Variants in PTPRD observed in about 807,000 individuals in gnomAD.
PTPRD encodes protein tyrosine phosphatase receptor type D.
Under a neutral mutation model 214.5 loss-of-function variants are expected in PTPRD, and 34 were observed. The ratio of observed to expected loss-of-function variants is 0.16; its 90% CI spans 0.12 to 0.21. The LOEUF (loss-of-function observed/expected upper bound fraction) is 0.21. PTPRD is among the 10% of genes least tolerant of loss of function. PTPRD has a pLI of 1.00. For synonymous variants in PTPRD, 1,128 were observed against 845.7 expected (o/e 1.33, Z -5.79); for missense variants, 2,545 against 2,398.7 (o/e 1.06, Z -1.27).
intron 3 of PTPRD, among the ~76,000 whole-genome samples, chr9:10,232,401 TC>T (rs1390280883): frequency 1.3e-5 from 2 of 151,950 alleles, no homozygotes; most frequent in African/African-American, 2.4e-5. Flanking sequence ...TCTGGATGTT[TC>T]CCACTTCCCT....
intron 35 of PTPRD, among the ~76,000 whole-genome samples, chr9:8,423,364 T>G (rs1454306770): frequency 1.3e-5 from 2 of 152,202 alleles, no homozygotes; most frequent in Non-Finnish European, 2.9e-5. Flanking sequence ...GGCAGTGGTT[T>G]TGTATCCTCC....
intron 9 of PTPRD, among the ~76,000 whole-genome samples, chr9:9,363,894 G>A (rs1227107711): frequency 6.6e-6 from 1 of 151,280 alleles, no homozygotes; most frequent in African/African-American, 2.4e-5. Flanking sequence ...ATAGTTTTAA[G>A]CATTTTTCCA....
chr9:8,381,964 G>T (rs1019574221), intron 37 of PTPRD, among the ~76,000 whole-genome samples: 1 of 152,066 alleles, frequency 6.6e-6, no homozygotes, highest in African/African-American at 2.4e-5. Context: ...CTTCCCACAT[G>T]AGGTGGGTCC....
Position 9,153,624 on chromosome 9 carries a change from T to C in PTPRD, c.-143+29680A>G, listed in dbSNP as rs188116724. ...GTGATATTAACTATACATTTAAAGA[T>C]GTGTATTTTGTTAACTTTAGCTAAA... On this transcript the variant is annotated intron_variant, in intron 10 of 45. Transcript: ENST00000381196. Among the ~76,000 whole-genome samples the C allele has an allele frequency of 9.8e-4, 150 of 152,358 alleles. 1 individual carries two copies. Among genetic ancestry groups the C allele is most frequent in the Admixed American group, 1.6e-3 (25 of 15,292 alleles).
At chr9:9,086,209 C>T (rs1326298997) in intron 10 of PTPRD, among the ~76,000 whole-genome samples, 1 of 152,126 alleles carries the variant, frequency 6.6e-6, no homozygotes, top group East Asian at 1.9e-4. Context: ...TATTCTAAAT[C>T]TATGGGTATA....
At chr9:9,846,994 G>T (rs2059660188) in intron 5 of PTPRD, among the ~76,000 whole-genome samples, 1 of 151,934 alleles carries the variant, frequency 6.6e-6, no homozygotes, top group Non-Finnish European at 1.5e-5. Flanking sequence ...ATTTTTTTGA[G>T]TATGCCAGAA....
intron 12 of PTPRD, among the ~76,000 whole-genome samples, chr9:8,693,062 G>T (rs1323565110): frequency 6.6e-6 from 1 of 152,186 alleles, no homozygotes; most frequent in East Asian, 1.9e-4. Flanking sequence ...AATTGTAAAT[G>T]GTAACTCTAT....
At chr9:10,061,996 G>A (rs2097784910) in intron 3 of PTPRD, among the ~76,000 whole-genome samples, 1 of 151,686 alleles carries the variant, frequency 6.6e-6, no homozygotes, top group Non-Finnish European at 1.5e-5. Flanking sequence ...AGCCCTCCAG[G>A]GGATTATAAC....
rs563212592 is a variant in PTPRD, at chr9:8,420,756, T to C, written c.4086+15836A>G. ...TAGCTTTGGGGAAAGACAGCTCCCT[T>C]TGCCCTCAGAGTTAGCTTTGAGACA... On this transcript the variant is annotated intron_variant, in intron 35 of 45. Transcript: ENST00000381196. Among the ~76,000 whole-genome samples, 11 of 152,170 alleles carry C rather than the reference T, an allele frequency of 7.2e-5. No individual in the cohort carries two copies. The South Asian group carries it at 2.3e-3, about 32-fold the overall frequency.
At chr9:8,976,806 T>C (rs139183765) in intron 11 of PTPRD, among the ~76,000 whole-genome samples, 1 of 152,108 alleles carries the variant, frequency 6.6e-6, no homozygotes, top group Non-Finnish European at 1.5e-5. Flanking sequence ...GTGGATATTG[T>C]TGATTTTTTG....
At position 9,238,763 on chromosome 9, in the gene PTPRD, A is replaced by T. The variant is rs571456667; in HGVS notation, c.-202-55400T>A. ...CCTAAGCTTGTGGCATTTTACTCTT[A>T]TGCTTTTATCTTCATTTTGAGAGAC... On this transcript the variant is annotated intron_variant, in intron 9 of 45. Coordinates refer to ENST00000381196, the MANE Select transcript of PTPRD (RefSeq NM_002839.4). Among the ~76,000 whole-genome samples, 51 of 152,296 alleles carry T rather than the reference A, an allele frequency of 3.3e-4. 1 individual carries two copies. In the South Asian group the frequency reaches 0.011, roughly 32 times the overall value.
chr9:9,129,530 C>A (rs1374569381), intron 10 of PTPRD, among the ~76,000 whole-genome samples: 1 of 152,092 alleles, frequency 6.6e-6, no homozygotes, highest in Non-Finnish European at 1.5e-5. Flanking sequence ...AGTCTTGGTC[C>A]TTTTAGCTTC....
chr9:9,602,826 A>T (rs189642222), intron 7 of PTPRD, among the ~76,000 whole-genome samples: 1 of 152,222 alleles, frequency 6.6e-6, no homozygotes, highest in East Asian at 1.9e-4. Flanking sequence ...GCCAGTCATA[A>T]CTGGTTTATT....
intron 7 of PTPRD, among the ~76,000 whole-genome samples, chr9:9,693,189 C>G (rs1450526892): frequency 6.6e-6 from 1 of 151,090 alleles, no homozygotes; most frequent in Non-Finnish European, 1.5e-5. Flanking sequence ...GCATCCTTGT[C>G]TTGTTCCAGA....
At chr9:9,706,675 G>T (rs945887436) in intron 7 of PTPRD, among the ~76,000 whole-genome samples, 1 of 151,932 alleles carries the variant, frequency 6.6e-6, no homozygotes, top group Non-Finnish European at 1.5e-5. Flanking sequence ...CTTGACCTCA[G>T]GTGATCCGTC....
intron 9 of PTPRD, among the ~76,000 whole-genome samples, chr9:9,230,953 G>A (rs1293875789): frequency 2.6e-5 from 4 of 152,018 alleles, no homozygotes; most frequent in Admixed American, 6.6e-5. Context: ...AGTCCAGAAC[G>A]TGAATACTTC....
At chr9:10,438,063 A>C (rs539372571) in intron 2 of PTPRD, among the ~76,000 whole-genome samples, 1 of 144,226 alleles carries the variant, frequency 6.9e-6, no homozygotes, top group African/African-American at 2.8e-5. Context: ...ATAAAAGACA[A>C]ACTCATGGTT....
At chr9:9,952,778 A>C (rs2093572904) in intron 4 of PTPRD, among the ~76,000 whole-genome samples, 1 of 152,314 alleles carries the variant, frequency 6.6e-6, no homozygotes, top group Non-Finnish European at 1.5e-5. Context: ...TAATACTGTC[A>C]TGAACCTCCA....
chr9:10,208,086 G>C (rs1228993885), intron 3 of PTPRD, among the ~76,000 whole-genome samples: 2 of 152,166 alleles, frequency 1.3e-5, no homozygotes, highest in Non-Finnish European at 2.9e-5. Context: ...CAAGTTTCTG[G>C]TTCCCAGGAG....
Sources: gnomAD v4.1 joint callset for allele counts (sites outside exome capture counted in the v4.1 genomes callset) on GRCh38, gnomAD v4.1.1 for gene constraint, MANE v1.5 for transcripts, NCBI Gene and HGNC (gene_info 2026-07-23, HGNC 2026-07-21) for gene names.